ROR1: variants seen among roughly 807,000 people sequenced by gnomAD.
The protein encoded by ROR1 is inactive tyrosine-protein kinase transmembrane receptor ROR1.
Under a neutral mutation model 78.8 loss-of-function variants are expected in ROR1, and 19 were observed. The ratio of observed to expected loss-of-function variants is 0.24; its 90% CI spans 0.17 to 0.35. The LOEUF is 0.35. Ranked by LOEUF, ROR1 falls within the 10% of genes least tolerant of loss-of-function variation. The probability of loss-of-function intolerance (pLI) is 1.00; values close to 1 mark genes in which losing one functional copy is unlikely to be tolerated. For synonymous variants in ROR1, 386 were observed against 433.6 expected (o/e 0.89, Z 1.36); for missense variants, 917 against 1,177.8 (o/e 0.78, Z 3.24).
chr1:63,969,522 A>C (rs1173980332), intron 1 of ROR1, among the ~76,000 whole-genome samples: 1 of 152,056 alleles, frequency 6.6e-6, no homozygotes, highest in African/African-American at 2.4e-5. Flanking sequence ...AACTGTGTAT[A>C]AGTTGGCTTG....
At chr1:63,873,898 C>G (rs960819484) in intron 1 of ROR1, among the ~76,000 whole-genome samples, 14 of 152,170 alleles carry the variant, frequency 9.2e-5, no homozygotes, top group Admixed American at 3.3e-4. Context: ...GTTTATAGAT[C>G]TTGACCTTAG....
At chr1:63,798,515 C>T (rs184408980) in intron 1 of ROR1, among the ~76,000 whole-genome samples, 8 of 152,154 alleles carry the variant, frequency 5.3e-5, no homozygotes, top group Middle Eastern at 6.8e-3. Flanking sequence ...GCATGCAGTC[C>T]GCTGCCATAG....
chr1:64,074,594 G>T (rs529419565), intron 4 of ROR1, among the ~76,000 whole-genome samples: 1 of 152,186 alleles, frequency 6.6e-6, no homozygotes, highest in African/African-American at 2.4e-5. Context: ...ACAAATAGAG[G>T]CAGGGAAAAT....
At chr1:64,093,223 G>C (rs1212741529) in intron 4 of ROR1, among the ~76,000 whole-genome samples, 1 of 152,112 alleles carries the variant, frequency 6.6e-6, no homozygotes, top group African/African-American at 2.4e-5. Flanking sequence ...CTCTCTTTCT[G>C]TTTTAGCCAC....
chr1:64,027,398 A>C (rs942925825), intron 2 of ROR1, among the ~76,000 whole-genome samples: 2 of 152,168 alleles, frequency 1.3e-5, no homozygotes, highest in Non-Finnish European at 2.9e-5. Context: ...AACCTAAATT[A>C]TCTGCTGCTC....
At chr1:64,044,989 A>G (rs1207172519) in intron 2 of ROR1, among the ~76,000 whole-genome samples, 1 of 152,202 alleles carries the variant, frequency 6.6e-6, no homozygotes, top group Non-Finnish European at 1.5e-5. Flanking sequence ...TGTTCTCTAA[A>G]CAGGCAATGC....
At chr1:63,959,423 C>A (rs1488951565) in intron 1 of ROR1, among the ~76,000 whole-genome samples, 2 of 152,134 alleles carry the variant, frequency 1.3e-5, no homozygotes, top group African/African-American at 4.8e-5. Flanking sequence ...TGGATTTCTC[C>A]TTTCACCGAG....
chr1:64,007,875 T>A (rs1646441694), intron 1 of ROR1, among the ~76,000 whole-genome samples: 1 of 152,174 alleles, frequency 6.6e-6, no homozygotes, highest in African/African-American at 2.4e-5. Flanking sequence ...GAGTTTATGT[T>A]TGATTATGTG....
At chr1:63,855,728 A>G (rs1417784353) in intron 1 of ROR1, among the ~76,000 whole-genome samples, 1 of 150,966 alleles carries the variant, frequency 6.6e-6, no homozygotes, top group Non-Finnish European at 1.5e-5. Flanking sequence ...GGCTCACTGC[A>G]ACCTCCGCCT....
At chr1:63,999,786 C>T (rs1646367994) in intron 1 of ROR1, among the ~76,000 whole-genome samples, 1 of 152,096 alleles carries the variant, frequency 6.6e-6, no homozygotes, top group African/African-American at 2.4e-5. Context: ...CTCCTTGTGG[C>T]AATATAGTTT....
chr1:64,099,808 G>A (rs2100655263), intron 4 of ROR1, among the ~76,000 whole-genome samples: 1 of 152,316 alleles, frequency 6.6e-6, no homozygotes, highest in Admixed American at 6.5e-5. Flanking sequence ...TGTAATCCCA[G>A]CACTTTGGGA....
chr1:64,115,998 T>C (rs1364522484), intron 4 of ROR1, among the ~76,000 whole-genome samples: 1 of 152,214 alleles, frequency 6.6e-6, no homozygotes, highest in Non-Finnish European at 1.5e-5. Context: ...TCATGAAAGA[T>C]CGTAGCTCTT....
chr1:64,095,094 A>G (rs1647263831), intron 4 of ROR1: 1 of 152,172 alleles, frequency 6.6e-6, no homozygotes, highest in East Asian at 1.9e-4. Context: ...CTCTTTGTTT[A>G]TACTGAAACA....
intron 4 of ROR1, chr1:64,105,375 A>G (rs1323321393): frequency 2.0e-5 from 3 of 152,152 alleles, no homozygotes; most frequent in Non-Finnish European, 4.4e-5. Context: ...GGATGGATAG[A>G]TCGCAAAATT....
intron 1 of ROR1, among the ~76,000 whole-genome samples, chr1:63,929,866 T>A (rs541148186): frequency 1.3e-5 from 2 of 152,190 alleles, no homozygotes; most frequent in Non-Finnish European, 2.9e-5. Context: ...GGGTAACTCA[T>A]GCTAGAATTC....
chr1:64,051,466 AT>A (rs201411659), intron 4 of ROR1, among the ~76,000 whole-genome samples: 902 of 26,858 alleles, frequency 0.034, 17 homozygotes, highest in East Asian at 0.3. Context: ...AAAAAATAAA[AT>A]AAAATAAAAT....
Position 64,164,548 on chromosome 1 carries a change from T to G in ROR1, c.1386+5356T>G, listed in dbSNP as rs957952271. Among the ~76,000 whole-genome samples the G allele has an allele frequency of 5.3e-5, 8 of 152,256 alleles. 1 individual carries two copies. The highest frequency in any genetic ancestry group is 1.9e-4 in the African/African-American group (8 of 41,470). The stretch of plus-strand genomic sequence containing the variant: ...AGCATGTCTGGCACCTCACAGGTAC[T>G]TAATAACCAGAAATTACTATTATTG... On this transcript the variant is annotated intron_variant, in intron 8 of 8. Coordinates refer to ENST00000371079, the MANE Select transcript of ROR1 (RefSeq NM_005012.4).
chr1:64,088,879 G>A (rs1328741681), intron 4 of ROR1, among the ~76,000 whole-genome samples: 1 of 152,154 alleles, frequency 6.6e-6, no homozygotes, highest in African/African-American at 2.4e-5. Context: ...TCTTGTGGGA[G>A]AATCAGTCTC....
intron 4 of ROR1, among the ~76,000 whole-genome samples, chr1:64,069,544 G>A (rs758265634): frequency 2.6e-5 from 4 of 151,644 alleles, no homozygotes; most frequent in South Asian, 2.1e-4. Context: ...GTGTGTACAC[G>A]TGTTCATGTG....
Sources: allele counts gnomAD v4.1 joint callset (sites outside exome capture counted in the v4.1 genomes callset), GRCh38; gene constraint gnomAD v4.1.1; transcripts MANE v1.5; gene names NCBI Gene and HGNC (gene_info 2026-07-23, HGNC 2026-07-21).